Variants in LRRC8C observed in about 807,000 individuals in gnomAD.
LRRC8C encodes volume-regulated anion channel subunit LRRC8C.
In LRRC8C, 20 loss-of-function variants were observed where a neutral mutation model predicts 55.3. The ratio of observed to expected loss-of-function variants is 0.36; its 90% CI spans 0.25 to 0.53. The LOEUF (loss-of-function observed/expected upper bound fraction) is 0.53. Ranked by LOEUF, LRRC8C falls within the 20% of genes least tolerant of loss-of-function variation. The probability of loss-of-function intolerance (pLI) is 0.92; values close to 1 mark genes in which losing one functional copy is unlikely to be tolerated. For synonymous variants in LRRC8C, 376 were observed against 360.7 expected (o/e 1.04, Z -0.48); for missense variants, 659 against 951.4 (o/e 0.69, Z 4.04).
At chr1:89,708,984 T>C (rs1658566069) in intron 2 of LRRC8C, among the ~76,000 whole-genome samples, 1 of 152,232 alleles carries the variant, frequency 6.6e-6, no homozygotes, top group Non-Finnish European at 1.5e-5. Flanking sequence ...TCTGGGTGAT[T>C]AACAGCTTTT....
At chr1:89,634,650 A>T (rs763889159) in intron 1 of LRRC8C, among the ~76,000 whole-genome samples, 3 of 152,222 alleles carry the variant, frequency 2.0e-5, no homozygotes, top group Non-Finnish European at 2.9e-5. Flanking sequence ...AATTCTGTTT[A>T]TTTTTAAATA....
rs758258774 is a variant in LRRC8C, at chr1:89,714,913, T to G, written c.2343T>G (p.Gly781=). ...LGDCRALKRA[G]LVVEDALFET... is the part of the protein sequence containing the mutation. ...ACTGTCGGGCTCTGAAGCGAGCTGG[T>G]TTAGTTGTAGAAGATGCTCTGTTTG... The change falls in exon 3 of 3, where the codon GGT becomes GGG. Residue 781 remains glycine, a synonymous_variant. Coordinates refer to ENST00000370454, the MANE Select transcript of LRRC8C (RefSeq NM_032270.5). The surrounding 1 kb of genome is among the most constrained non-coding windows in gnomAD (Gnocchi z 4.6). 1 of 1,613,374 alleles carries G rather than the reference T, an allele frequency of 6.2e-7. No individual in the cohort carries two copies. The highest frequency in any genetic ancestry group is 1.1e-5 in the South Asian group (1 of 90,838).
At chr1:89,640,678 G>A (rs538223142) in intron 1 of LRRC8C, among the ~76,000 whole-genome samples, 1 of 152,320 alleles carries the variant, frequency 6.6e-6, no homozygotes, top group Non-Finnish European at 1.5e-5. Context: ...CTGCTATGTG[G>A]ACAACTGTGA....
At chr1:89,675,274 C>T (rs926775216) in intron 1 of LRRC8C, among the ~76,000 whole-genome samples, 12 of 152,180 alleles carry the variant, frequency 7.9e-5, no homozygotes, top group African/African-American at 2.9e-4. Context: ...AAAGGTGACC[C>T]CTTGCCTTTT....
rs185553626 is a variant in LRRC8C at position 89,672,346 on chromosome 1, T to A, written c.-4-14124T>A. On this transcript the variant is annotated intron_variant, in intron 1 of 2. Coordinates refer to ENST00000370454, the MANE Select transcript of LRRC8C (RefSeq NM_032270.5). ...ACAATTGTGATTAAATGGTTGTGTG[T>A]CATTGTTTACTGTCTGTCTTTCCAC... 4.9e-3 allele frequency among the ~76,000 whole-genome samples: 743 copies of A among 152,328 alleles called. 2 individuals carry two copies. The highest frequency in any genetic ancestry group is 0.027 in the Middle Eastern group (8 of 294).
chr1:89,644,483 A>G (rs1487123916), intron 1 of LRRC8C, among the ~76,000 whole-genome samples: 1 of 152,240 alleles, frequency 6.6e-6, no homozygotes, highest in Non-Finnish European at 1.5e-5. Flanking sequence ...TGGGAATGCA[A>G]CCAAAGCAAG....
At chr1:89,706,148 C>G (rs1416215001) in intron 2 of LRRC8C, among the ~76,000 whole-genome samples, 16 of 152,062 alleles carry the variant, frequency 1.1e-4, no homozygotes. Flanking sequence ...GCTTTTTGTT[C>G]TTGTTGGTAT....
chr1:89,666,526 C>T (rs1219349809), intron 1 of LRRC8C, among the ~76,000 whole-genome samples: 2 of 152,084 alleles, frequency 1.3e-5, no homozygotes. Flanking sequence ...TAGAATTGTC[C>T]TTTTCCAGCT....
intron 2 of LRRC8C, among the ~76,000 whole-genome samples, chr1:89,694,776 C>T (rs1176369757): frequency 4.6e-5 from 7 of 151,230 alleles, no homozygotes; most frequent in African/African-American, 1.2e-4. Flanking sequence ...TTAGTAGAGA[C>T]GGGCTTTCAC....
intron 2 of LRRC8C, among the ~76,000 whole-genome samples, chr1:89,689,971 T>G (rs560780442): frequency 3.3e-5 from 5 of 152,060 alleles, no homozygotes; most frequent in African/African-American, 1.2e-4. Flanking sequence ...CAAGGATGAC[T>G]AAGATTTTTA....
intron 1 of LRRC8C, 103 bp from the exon 2 acceptor site, chr1:89,686,367 T>C: frequency 8.4e-7 from 1 of 1,197,314 alleles, no homozygotes; most frequent in Non-Finnish European, 1.2e-6. Flanking sequence ...GCTCTTGAAC[T>C]AATTCAGACC....
rs528936289 is a variant in LRRC8C at position 89,675,954 on chromosome 1, C to T, written c.-4-10516C>T. 9.8e-5 allele frequency among the ~76,000 whole-genome samples: 15 copies of T among 152,286 alleles called. 1 individual carries two copies. The South Asian group carries it at 1.9e-3, about 19-fold the overall frequency. Reference sequence around the variant, plus strand: ...GAAATGACTGACATTTGAGGATAATCGTTTATGAACAGTTTTTGAAGGACT... The same window carrying T: ...GAAATGACTGACATTTGAGGATAATTGTTTATGAACAGTTTTTGAAGGACT... On this transcript the variant is annotated intron_variant, in intron 1 of 2. Transcript: ENST00000370454.
intron 1 of LRRC8C, among the ~76,000 whole-genome samples, chr1:89,652,697 G>A (rs1001133449): frequency 5.3e-5 from 8 of 152,102 alleles, no homozygotes; most frequent in Non-Finnish European, 1.2e-4. Context: ...GGCTTTCTAG[G>A]GGATTAAAAA....
Position 89,714,130 on chromosome 1 carries a change from C to T in LRRC8C, c.1560C>T (p.Tyr520=). 2 of 1,614,068 alleles carry T rather than the reference C, an allele frequency of 1.2e-6. No individual in the cohort carries two copies. The highest frequency in any genetic ancestry group is 8.5e-7 in the Non-Finnish European group (1 of 1,179,950). ...GGCTCCGAAATCTGGAAGAGCTGTACCTAGTTGGCTCTCTAAGTCATGATA... is the reference window on the plus strand; with the variant it reads ...GGCTCCGAAATCTGGAAGAGCTGTATCTAGTTGGCTCTCTAAGTCATGATA... ...MYGLRNLEEL[Y]LVGSLSHDIS... Residue 520 remains tyrosine, a synonymous_variant, in exon 3 of 3, where the codon TAC becomes TAT. Coordinates refer to ENST00000370454, the MANE Select transcript of LRRC8C (RefSeq NM_032270.5). The surrounding 1 kb of genome is among the most constrained non-coding windows in gnomAD (Gnocchi z 4.6).
At chr1:89,668,943 G>A (rs1314377785) in intron 1 of LRRC8C, among the ~76,000 whole-genome samples, 1 of 151,820 alleles carries the variant, frequency 6.6e-6, no homozygotes, top group Non-Finnish European at 1.5e-5. Context: ...TTTTAGTGTG[G>A]TACCTCAAAT....
At chr1:89,655,966 G>T (rs1570699272) in intron 1 of LRRC8C, among the ~76,000 whole-genome samples, 1 of 152,274 alleles carries the variant, frequency 6.6e-6, no homozygotes, top group South Asian at 2.1e-4. Context: ...CCTTCAAGGG[G>T]GCTGGAACAT....
chr1:89,649,252 A>G (rs1656695332), intron 1 of LRRC8C, among the ~76,000 whole-genome samples: 1 of 152,206 alleles, frequency 6.6e-6, no homozygotes, highest in Non-Finnish European at 1.5e-5. Context: ...CTAAGCATTA[A>G]TCATTACTGG....
chr1:89,707,651 A>T (rs61798886), intron 2 of LRRC8C, among the ~76,000 whole-genome samples: 15 of 140,032 alleles, frequency 1.1e-4, no homozygotes, highest in African/African-American at 3.7e-4. Context: ...TGTGTGTGTG[A>T]GTGTGTGTGT....
chr1:89,688,195 C>T (rs540045767), intron 2 of LRRC8C, among the ~76,000 whole-genome samples: 1 of 152,200 alleles, frequency 6.6e-6, no homozygotes, highest in South Asian at 2.1e-4. Context: ...ATCTTTCCCC[C>T]TCCCCTCCAA....
Sources: gnomAD v4.1 joint callset for allele counts (sites outside exome capture counted in the v4.1 genomes callset) on GRCh38, gnomAD v4.1.1 for gene constraint, Gnocchi (gnomAD v3.1) non-coding constraint, MANE v1.5 for transcripts, NCBI Gene and HGNC (gene_info 2026-07-23, HGNC 2026-07-21) for gene names.